DRC9: variants seen among roughly 807,000 people sequenced by gnomAD.
DRC9 encodes dynein regulatory complex subunit 9, also known as dynein regulatory complex protein 9.
the DRC9 span, among the ~76,000 whole-genome samples, chr3:197,908,327 A>G: frequency 1.5e-5 from 2 of 134,752 alleles, no homozygotes; most frequent in African/African-American, 5.9e-5. Flanking sequence ...AACCCTTTCC[A>G]AGGCATCCTC....
At chr3:197,930,776 C>T in the DRC9 span, among the ~76,000 whole-genome samples, 1 of 148,094 alleles carries the variant, frequency 6.8e-6, no homozygotes, top group Non-Finnish European at 1.5e-5. Context: ...AAGGAAGAGC[C>T]TGTGTTCCCA....
the DRC9 span, among the ~76,000 whole-genome samples, chr3:197,911,996 A>AAT: frequency 6.6e-6 from 1 of 151,558 alleles, no homozygotes; most frequent in East Asian, 2.0e-4. Flanking sequence ...AAAATTTTTA[A>AAT]ATATAGTCAT....
chr3:197,946,683 T>A, the DRC9 span, among the ~76,000 whole-genome samples: 1 of 152,046 alleles, frequency 6.6e-6, no homozygotes, highest in South Asian at 2.1e-4. Flanking sequence ...GCAACAAAAA[T>A]CTTACATGCA....
At chr3:197,958,421 G>A in the DRC9 span, 2 of 152,214 alleles carry the variant, frequency 1.3e-5, no homozygotes, top group African/African-American at 4.8e-5. Flanking sequence ...ATTCTAACAT[G>A]TTTCTGGCTT....
the DRC9 span, chr3:197,954,482 T>C: frequency 5.3e-6 from 2 of 377,038 alleles, no homozygotes; most frequent in African/African-American, 4.2e-5. Flanking sequence ...CATAGGCGTG[T>C]GCCACCACAC....
the DRC9 span, among the ~76,000 whole-genome samples, chr3:197,939,480 C>T: frequency 7.2e-5 from 11 of 152,232 alleles, no homozygotes; most frequent in Admixed American, 3.3e-4. Flanking sequence ...ATTAAGGGAC[C>T]GCAGGAACGG....
chr3:197,944,453 A>ATTTTT, the DRC9 span, among the ~76,000 whole-genome samples: 1 of 142,666 alleles, frequency 7.0e-6, no homozygotes, highest in African/African-American at 2.8e-5. Context: ...ATTTTATTTT[A>ATTTTT]TTTTATTTTT....
chr3:197,932,278 T>C, the DRC9 span: 3 of 1,611,394 alleles, frequency 1.9e-6, no homozygotes, highest in African/African-American at 2.7e-5. Flanking sequence ...TAATGGTATC[T>C]GCAATCACAT....
At chr3:197,925,631 C>A in the DRC9 span, among the ~76,000 whole-genome samples, 1 of 149,550 alleles carries the variant, frequency 6.7e-6, no homozygotes, top group Non-Finnish European at 1.5e-5. Context: ...CTCTGTCACC[C>A]AGGCTGGAGT....
the DRC9 span, among the ~76,000 whole-genome samples, chr3:197,946,813 C>A: frequency 6.6e-6 from 1 of 152,038 alleles, no homozygotes; most frequent in Non-Finnish European, 1.5e-5. Flanking sequence ...AGCAGAATAC[C>A]TTTCTTTTTT....
chr3:197,909,099 C>T, the DRC9 span, among the ~76,000 whole-genome samples: 1 of 152,176 alleles, frequency 6.6e-6, no homozygotes, highest in Non-Finnish European at 1.5e-5. Context: ...GTTCTCATTC[C>T]AAGTTTCAGG....
the DRC9 span, among the ~76,000 whole-genome samples, chr3:197,932,560 G>A: frequency 3.3e-5 from 5 of 151,612 alleles, no homozygotes; most frequent in East Asian, 3.9e-4. Context: ...GCTGGAACCC[G>A]GGAGGTGGAG....
the DRC9 span, among the ~76,000 whole-genome samples, chr3:197,917,973 G>A: frequency 6.6e-6 from 1 of 151,556 alleles, no homozygotes; most frequent in African/African-American, 2.4e-5. Context: ...GACCTCAGGG[G>A]ATCTGCCCGC....
the DRC9 span, among the ~76,000 whole-genome samples, chr3:197,933,819 A>T: frequency 3.4e-5 from 5 of 148,538 alleles, no homozygotes; most frequent in African/African-American, 5.0e-5. Flanking sequence ...TTTTTATTTC[A>T]TTTTTTTTTG....
chr3:197,904,025 TATATATATACATAC>T, the DRC9 span, among the ~76,000 whole-genome samples: 2 of 94,032 alleles, frequency 2.1e-5, no homozygotes, highest in Non-Finnish European at 4.1e-5. Context: ...TATACATACA[TATATATATACATAC>T]ATATATATAC....
At chr3:197,939,986 T>C in the DRC9 span, among the ~76,000 whole-genome samples, 1 of 151,826 alleles carries the variant, frequency 6.6e-6, no homozygotes, top group Non-Finnish European at 1.5e-5. Flanking sequence ...AGTGTTCTAG[T>C]TGACGCACTA....
At chr3:197,919,103 CG>C in the DRC9 span, among the ~76,000 whole-genome samples, 1 of 152,158 alleles carries the variant, frequency 6.6e-6, no homozygotes, top group African/African-American at 2.4e-5. Context: ...CCACCATGCC[CG>C]GCCAATGTAA....
At chr3:197,895,853 T>C in the DRC9 span, among the ~76,000 whole-genome samples, 1 of 151,340 alleles carries the variant, frequency 6.6e-6, no homozygotes, top group African/African-American at 2.4e-5. Flanking sequence ...CATGCATTTG[T>C]AGTTCCAGCT....
the DRC9 span, among the ~76,000 whole-genome samples, chr3:197,955,293 A>C: frequency 6.6e-6 from 1 of 150,724 alleles, no homozygotes; most frequent in African/African-American, 2.4e-5. Context: ...TTTTGAGACC[A>C]GAGTCTCATT....
Sources: allele counts gnomAD v4.1 joint callset (sites outside exome capture counted in the v4.1 genomes callset), GRCh38; gene constraint gnomAD v4.1.1; transcripts MANE v1.5; gene names NCBI Gene and HGNC (gene_info 2026-07-23, HGNC 2026-07-21).